PELI1: variants seen among roughly 807,000 people sequenced by gnomAD.
The protein encoded by PELI1 is pellino E3 ubiquitin protein ligase 1.
Under a neutral mutation model 41.3 loss-of-function variants are expected in PELI1, and 15 were observed. The observed-to-expected ratio is 0.36, with a 90% CI of 0.24 to 0.56. PELI1 has a LOEUF of 0.56. Among genes scored for constraint, PELI1 ranks in the 20% least tolerant of loss-of-function variants. The probability of loss-of-function intolerance (pLI) is 0.82; values close to 1 mark genes in which losing one functional copy is unlikely to be tolerated. For missense variants in PELI1, 403 were observed against 525.5 expected, an observed-to-expected ratio of 0.77 and a Z score of 2.28; for synonymous variants, 178 against 180.1, an observed-to-expected ratio of 0.99 and a Z score of 0.09.
intron 1 of PELI1, among the ~76,000 whole-genome samples, chr2:64,112,101 A>G (rs944793188): frequency 6.6e-6 from 1 of 150,476 alleles, no homozygotes; most frequent in Non-Finnish European, 1.5e-5. Flanking sequence ...AATTTCCTTT[A>G]AAATAAGCTT....
At chr2:64,101,807 T>C (rs1680442817) in intron 3 of PELI1, among the ~76,000 whole-genome samples, 1 of 149,902 alleles carries the variant, frequency 6.7e-6, no homozygotes, top group African/African-American at 2.5e-5. Context: ...AGCTTAATAC[T>C]GCCACTTTTG....
In PELI1 at chr2:64,115,732, C is replaced by G. The variant is rs1006527138; in HGVS notation, c.-69-7353G>C. On this transcript the variant is annotated intron_variant, in intron 1 of 6. Coordinates refer to ENST00000358912, the MANE Select transcript of PELI1 (RefSeq NM_020651.4). ...TCCAGATTTTCTAATGTCATTACTC[C>G]ACACCCTAGACAAGGTAGAATGGGG... Among the ~76,000 whole-genome samples, 4 of 152,268 alleles carry G rather than the reference C, an allele frequency of 2.6e-5. No individual in the cohort carries two copies. The East Asian group carries it at 7.7e-4, about 29-fold the overall frequency.
chr2:64,125,429 C>A (rs188339795), intron 1 of PELI1, among the ~76,000 whole-genome samples: 122 of 152,160 alleles, frequency 8.0e-4, no homozygotes, highest in Middle Eastern at 3.4e-3. Context: ...GTAGAAAGAC[C>A]AAATAGATTT....
At chr2:64,143,124 C>T (rs1293081268) in intron 1 of PELI1, 1 of 152,188 alleles carries the variant, frequency 6.6e-6, no homozygotes, top group Non-Finnish European at 1.5e-5. Flanking sequence ...TTTTAAAAAA[C>T]CTCTGCCCTC....
In PELI1 at chr2:64,140,792, AAAAAAAACAAACAAAC is replaced by A. The variant is rs1461406311; in HGVS notation, c.-70+3273_-70+3288del. On this transcript the variant is annotated intron_variant, in intron 1 of 6. Coordinates refer to ENST00000358912, the MANE Select transcript of PELI1 (RefSeq NM_020651.4). ...GATCTACTCAAGACAACATGCAAAA[AAAAAAAACAAACAAAC>A]AAAAAAAAACCTAGGGGCAGAACTT... Among the ~76,000 whole-genome samples, 31 of 137,340 alleles carry A rather than the reference AAAAAAAACAAACAAAC, an allele frequency of 2.3e-4. 3 individuals carry two copies. The highest frequency in any genetic ancestry group is 2.1e-4 in the Admixed American group (3 of 14,166). 90.1% of individuals were successfully genotyped at this position (137,340 alleles called of 152,430 possible).
intron 1 of PELI1, among the ~76,000 whole-genome samples, chr2:64,119,555 T>C (rs1681136618): frequency 6.6e-6 from 1 of 152,232 alleles, no homozygotes; most frequent in East Asian, 1.9e-4. Context: ...GGGCCTATGT[T>C]ACGCAAAATA....
intron 2 of PELI1, among the ~76,000 whole-genome samples, chr2:64,106,015 T>C (rs962222441): frequency 6.6e-6 from 1 of 152,212 alleles, no homozygotes; most frequent in Admixed American, 6.5e-5. Context: ...CATTGACCCT[T>C]TATAAAAAAT....
intron 3 of PELI1, 34 bp downstream of exon 3, chr2:64,104,667 G>C: frequency 6.7e-7 from 1 of 1,493,850 alleles, no homozygotes; most frequent in East Asian, 2.3e-5. Flanking sequence ...AATTCTCCAA[G>C]TTAATTTATG....
At chr2:64,115,833 A>G (rs1182355388) in intron 1 of PELI1, among the ~76,000 whole-genome samples, 1 of 152,202 alleles carries the variant, frequency 6.6e-6, no homozygotes, top group Non-Finnish European at 1.5e-5. Flanking sequence ...TGTAAAATAA[A>G]CTGTAAAAAA....
At chr2:64,122,633 G>A (rs554246432) in intron 1 of PELI1, among the ~76,000 whole-genome samples, 92 of 152,240 alleles carry the variant, frequency 6.0e-4, no homozygotes, top group South Asian at 3.9e-3. Flanking sequence ...CTCCACTGGT[G>A]ACTCTTAGGT....
intron 3 of PELI1, among the ~76,000 whole-genome samples, chr2:64,101,698 A>C (rs1031438825): frequency 5.9e-5 from 9 of 152,242 alleles, no homozygotes; most frequent in African/African-American, 2.2e-4. Flanking sequence ...TTAAAACAAC[A>C]GCTTTAAGAC....
At chr2:64,110,927 A>AT (rs1178095820) in intron 1 of PELI1, among the ~76,000 whole-genome samples, 7 of 77,016 alleles carry the variant, frequency 9.1e-5, no homozygotes, top group South Asian at 3.4e-4. Context: ...CTCCATTTCA[A>AT]AATATATATA....
chr2:64,107,529 A>C (rs1680660362), intron 2 of PELI1, among the ~76,000 whole-genome samples: 1 of 152,200 alleles, frequency 6.6e-6, no homozygotes, highest in Non-Finnish European at 1.5e-5. Flanking sequence ...GTAGAGAGGC[A>C]AAAGAATAAA....
At position 64,096,574 on chromosome 2, in the gene PELI1, C is replaced by T. The variant is rs1459876036; in HGVS notation, c.340G>A (p.Val114Ile). 2 of 1,611,930 alleles carry T rather than the reference C, an allele frequency of 1.2e-6. No homozygotes were observed. The highest frequency in any genetic ancestry group is 1.7e-6 in the Non-Finnish European group (2 of 1,178,622). The change falls in exon 5 of 7, where the codon GTA becomes ATA. Residue 114 changes from valine (V) to isoleucine (I), a missense_variant. Physicochemically the swap from Val to Ile is conservative, Grantham distance 29. Coordinates refer to ENST00000358912, the MANE Select transcript of PELI1 (RefSeq NM_020651.4). ...TGACTTCCAGGAACCGTGTCAGTTA[C>T]TACAAAATCAATGGGGCTTTCAGTC... ...RSTESPIDFV[V>I]TDTVPGSQSN...
intron 2 of PELI1, among the ~76,000 whole-genome samples, chr2:64,107,515 T>C: frequency 6.6e-6 from 1 of 152,046 alleles, no homozygotes; most frequent in African/African-American, 2.4e-5. Context: ...AAGCAATAAC[T>C]ACTGTAGAGA....
intron 1 of PELI1, among the ~76,000 whole-genome samples, chr2:64,118,044 C>T (rs998945216): frequency 3.9e-5 from 6 of 152,088 alleles, no homozygotes; most frequent in African/African-American, 1.4e-4. Context: ...ATCCTGACCT[C>T]GTGATCTGCC....
intron 3 of PELI1, among the ~76,000 whole-genome samples, chr2:64,100,861 G>C (rs1316850670): frequency 6.6e-6 from 1 of 151,954 alleles, no homozygotes; most frequent in Non-Finnish European, 1.5e-5. Context: ...CAAGCAGCTG[G>C]GACTACAGGT....
At chr2:64,103,372 G>C (rs2103679396) in intron 3 of PELI1, among the ~76,000 whole-genome samples, 1 of 152,230 alleles carries the variant, frequency 6.6e-6, no homozygotes, top group East Asian at 1.9e-4. Context: ...TTTTTTGGCT[G>C]TTACGAGGAT....
rs76360577 is a variant in PELI1, at chr2:64,116,546, T to A, written c.-69-8167A>T. ...CTTTTCATAATGGCTAACACTGAATTCAGTCTCTGTGCCAAGCACTGTTCT... is the reference window on the plus strand; with the variant it reads ...CTTTTCATAATGGCTAACACTGAATACAGTCTCTGTGCCAAGCACTGTTCT... On this transcript the variant is annotated intron_variant, in intron 1 of 6. Transcript: ENST00000358912. Among the ~76,000 whole-genome samples, 655 of 152,346 alleles carry A rather than the reference T, an allele frequency of 4.3e-3. 8 individuals are homozygous for A. Among genetic ancestry groups the A allele is most frequent in the African/African-American group, 0.015 (608 of 41,586 alleles).
Sources: gnomAD v4.1 joint callset for allele counts (sites outside exome capture counted in the v4.1 genomes callset) on GRCh38, gnomAD v4.1.1 for gene constraint, MANE v1.5 for transcripts, NCBI Gene and HGNC (gene_info 2026-07-23, HGNC 2026-07-21) for gene names.